SRGAP1: variants seen among roughly 807,000 people sequenced by gnomAD.
SRGAP1 encodes SLIT-ROBO Rho GTPase activating protein 1, also known as SLIT-ROBO Rho GTPase-activating protein 1.
SRGAP1 carries 43 observed loss-of-function variants against 121.9 expected under a neutral mutation model. The observed-to-expected ratio is 0.35, with a 90% CI of 0.28 to 0.46. The LOEUF (loss-of-function observed/expected upper bound fraction) is 0.46. SRGAP1 is among the 20% of genes least tolerant of loss of function. SRGAP1 has a pLI of 1.00. For synonymous variants in SRGAP1, 447 were observed against 485.4 expected (o/e 0.92, Z 1.04); for missense variants, 1,102 against 1,350.9 (o/e 0.82, Z 2.89).
At chr12:64,112,448 T>C (rs994455471) in intron 17 of SRGAP1, among the ~76,000 whole-genome samples, 9 of 152,236 alleles carry the variant, frequency 5.9e-5, no homozygotes, top group African/African-American at 2.2e-4. Context: ...TAATTCTAGC[T>C]ATAATTATAG....
intron 3 of SRGAP1, among the ~76,000 whole-genome samples, chr12:64,002,592 A>G (rs2033935005): frequency 6.6e-6 from 1 of 152,228 alleles, no homozygotes; most frequent in Admixed American, 6.5e-5. Context: ...CCTAAGCTAC[A>G]CATGAATGGG....
chr12:63,848,078 T>C (rs1898961281), intron 1 of SRGAP1, among the ~76,000 whole-genome samples: 2 of 151,844 alleles, frequency 1.3e-5, no homozygotes, highest in Admixed American at 6.6e-5. Context: ...TGGTCTCGGC[T>C]CAGTGCAACC....
chr12:63,952,267 T>C (rs753498425), intron 1 of SRGAP1, among the ~76,000 whole-genome samples: 7 of 152,154 alleles, frequency 4.6e-5, no homozygotes, highest in South Asian at 2.1e-4. Flanking sequence ...AATCCAGCAT[T>C]TGGGGAGGCC....
intron 21 of SRGAP1, among the ~76,000 whole-genome samples, chr12:64,132,091 T>C (rs1324289278): frequency 6.6e-6 from 1 of 152,144 alleles, no homozygotes; most frequent in Non-Finnish European, 1.5e-5. Flanking sequence ...AGAAGAATCA[T>C]TTGAACCAGA....
intron 1 of SRGAP1, among the ~76,000 whole-genome samples, chr12:63,945,694 GGCTTGAATTAATCCCACA>G (rs1195746336): frequency 6.6e-6 from 1 of 152,182 alleles, no homozygotes; most frequent in Non-Finnish European, 1.5e-5. Flanking sequence ...TACTATCCAA[GGCTTGAATTAATCCCACA>G]GGGGAGCTCT....
At chr12:64,053,450 A>G (rs1372202648) in intron 6 of SRGAP1, among the ~76,000 whole-genome samples, 1 of 152,122 alleles carries the variant, frequency 6.6e-6, no homozygotes, top group Non-Finnish European at 1.5e-5. Context: ...AAAACAGAAG[A>G]CTTTTAAGAG....
chr12:64,115,677 C>T, intron 17 of SRGAP1, 137 bp from the exon 18 acceptor site: 1 of 611,816 alleles, frequency 1.6e-6, no homozygotes, highest in South Asian at 1.9e-5. Context: ...AGGAGGATCA[C>T]TTGAGCCTGG....
rs2035514600 is a variant in SRGAP1 at position 64,065,118 on chromosome 12, G to A, written c.1024G>A (p.Val342Met). ...FEFQSHMGDE[V>M]CQVSAQQPVQ... ...TAACTGGTTTCTCATTCTCCATCAG[G>A]TGTGCCAGGTCAGTGCCCAGCAGCC... The change falls in exon 8 of 22, where the codon GTG becomes ATG. Residue 342 changes from valine (V) to methionine (M), a missense_variant and splice_region_variant. By Grantham distance (21) the Val-to-Met change is conservative. Around this residue, in one of 3 missense-constraint regions of SRGAP1, gnomAD observed 747 missense variants for 929.4 expected, o/e 0.80. Coordinates refer to ENST00000355086, the MANE Select transcript of SRGAP1 (RefSeq NM_020762.4). 1 of 1,611,354 alleles carries A rather than the reference G, an allele frequency of 6.2e-7. No homozygotes were observed.
At position 63,895,717 on chromosome 12, in the gene SRGAP1, A is replaced by T. The variant is rs1423416516; in HGVS notation, c.67+50834A>T. 2.0e-5 allele frequency among the ~76,000 whole-genome samples: 3 copies of T among 152,204 alleles called. No individual in the cohort carries two copies. The East Asian group carries it at 5.8e-4, about 29-fold the overall frequency. On this transcript the variant is annotated intron_variant, in intron 1 of 21. Coordinates refer to ENST00000355086, the MANE Select transcript of SRGAP1 (RefSeq NM_020762.4). Reference sequence around the variant, plus strand: ...GTTACATCTCCTACAATGTCCGTAAAATGCTTCCAGTTATACCTAAAGTGA... The same window carrying T: ...GTTACATCTCCTACAATGTCCGTAATATGCTTCCAGTTATACCTAAAGTGA...
intron 3 of SRGAP1, among the ~76,000 whole-genome samples, chr12:63,992,172 A>G (rs1401368302): frequency 6.6e-6 from 1 of 152,206 alleles, no homozygotes; most frequent in Non-Finnish European, 1.5e-5. Context: ...GCTAGAAAGG[A>G]TGGTCATGTA....
chr12:64,010,663 G>A (rs945369074), intron 3 of SRGAP1, among the ~76,000 whole-genome samples: 2 of 152,046 alleles, frequency 1.3e-5, no homozygotes, highest in African/African-American at 4.8e-5. Context: ...TGCTCTCAAA[G>A]AAACTGTGTT....
chr12:64,023,202 ACC>A (rs2034587112), intron 4 of SRGAP1, among the ~76,000 whole-genome samples: 1 of 84,322 alleles, frequency 1.2e-5, no homozygotes, highest in South Asian at 5.2e-4. Context: ...TTACTTTTGT[ACC>A]AAAAAAAAAA....
chr12:64,087,879 G>C (rs996652243), intron 11 of SRGAP1, among the ~76,000 whole-genome samples: 5 of 152,090 alleles, frequency 3.3e-5, no homozygotes, highest in Non-Finnish European at 7.3e-5. Context: ...TCTTCATTCA[G>C]GGGAGGATTG....
intron 3 of SRGAP1, among the ~76,000 whole-genome samples, chr12:64,002,261 GCAGCAGTGACAC>G (rs1289722880): frequency 9.2e-5 from 14 of 152,310 alleles, no homozygotes; most frequent in African/African-American, 3.4e-4. Flanking sequence ...AATGGCAACA[GCAGCAGTGACAC>G]CAACAGAGGC....
At chr12:64,060,900 G>T (rs1015114097) in intron 6 of SRGAP1, among the ~76,000 whole-genome samples, 4 of 152,286 alleles carry the variant, frequency 2.6e-5, no homozygotes, top group Non-Finnish European at 5.9e-5. Context: ...TATGCCTAGA[G>T]CCTAGCATAT....
chr12:63,869,528 C>G (rs1899778980), intron 1 of SRGAP1, among the ~76,000 whole-genome samples: 1 of 152,114 alleles, frequency 6.6e-6, no homozygotes, highest in African/African-American at 2.4e-5. Context: ...CTAAAACACC[C>G]CCAAATACTC....
intron 1 of SRGAP1, among the ~76,000 whole-genome samples, chr12:63,910,615 G>GA (rs2030447458): frequency 6.6e-6 from 1 of 152,134 alleles, no homozygotes; most frequent in Admixed American, 6.5e-5. Flanking sequence ...CTTTAGAGGG[G>GA]AAAATGCATG....
intron 4 of SRGAP1, among the ~76,000 whole-genome samples, chr12:64,041,875 A>ATATTATTATTATTAT (rs10689107): frequency 0.049 from 6,767 of 138,542 alleles, 199 homozygotes; most frequent in Non-Finnish European, 0.062. Context: ...ATTTTCTTTT[A>ATATTATTATTATTAT]TATTATTATT....
intron 1 of SRGAP1, among the ~76,000 whole-genome samples, chr12:63,870,533 ATTTTTTTTTTT>A (rs1216674448): frequency 9.9e-6 from 1 of 100,808 alleles, no homozygotes. Context: ...CCCTATCTTG[ATTTTTTTTTTT>A]TTTTTTTTTT....
Sources: allele counts gnomAD v4.1 joint callset (sites outside exome capture counted in the v4.1 genomes callset), GRCh38; gene constraint gnomAD v4.1.1; regional missense constraint gnomAD v4.1.1; transcripts MANE v1.5; gene names NCBI Gene and HGNC (gene_info 2026-07-23, HGNC 2026-07-21).